Variants in TNS2 observed in about 807,000 individuals in gnomAD.
TNS2 encodes tensin 2, also known as tensin-2.
TNS2 carries 77 observed loss-of-function variants against 155.7 expected under a neutral mutation model. The observed-to-expected ratio is 0.49, with a 90% CI of 0.41 to 0.60. The LOEUF (loss-of-function observed/expected upper bound fraction) is 0.60, where lower values mean the gene tolerates loss of function less well. Among genes scored for constraint, TNS2 ranks in the 20% least tolerant of loss-of-function variants. The probability of loss-of-function intolerance (pLI) is 0.00; values close to 1 mark genes in which losing one functional copy is unlikely to be tolerated. For missense variants in TNS2, 1,703 were observed against 1,868.8 expected, an observed-to-expected ratio of 0.91 and a Z score of 1.64; for synonymous variants, 726 against 763.9, an observed-to-expected ratio of 0.95 and a Z score of 0.82.
In TNS2 at chr12:53,060,745, C is replaced by T. The variant is rs150310260; in HGVS notation, c.2839C>T (p.Pro947Ser). 1.9e-6 allele frequency: 3 copies of T among 1,610,370 alleles called. No homozygotes were observed. The highest frequency in any genetic ancestry group is 1.7e-5 in the Admixed American group (1 of 59,726). ...GAGACTGAGTCCTGGCGAGGCCTTG[C>T]CCCCTGTTTCCCAGGCAGGCACCGG... ...TQRLSPGEAL[P>S]PVSQAGTGKA... Residue 947 changes from proline (P) to serine (S), a missense_variant, in exon 20 of 29, where the codon CCC becomes TCC. Pro to Ser is a moderately conservative substitution (Grantham distance 74, BLOSUM62 -1). Transcript: ENST00000314250. The surrounding 1 kb of genome is among the most constrained non-coding windows in gnomAD (Gnocchi z 6.1).
rs1011649397 is a variant in TNS2 at position 53,063,482 on chromosome 12, C to T, written c.4061+65C>T. 5.6e-6 allele frequency: 9 copies of T among 1,611,294 alleles called. No individual in the cohort carries two copies. The highest frequency in any genetic ancestry group is 1.1e-5 in the South Asian group (1 of 91,004). ...GTCCCACCAGGTCCCAGCTCCCAGC[C>T]CCAGCCCCAGCCCCGGCCCCGGCCC... On this transcript the variant is annotated intron_variant, in intron 27 of 28. Coordinates refer to ENST00000314250, the MANE Select transcript of TNS2 (RefSeq NM_170754.4). This position sits in a 1 kb window ranked among gnomAD's most constrained non-coding sequence, Gnocchi z 5.6.
rs1592252119 is a variant in TNS2 at position 53,058,758 on chromosome 12, A to C, written c.1336A>C (p.Thr446Pro). 1 of 1,613,856 alleles carries C rather than the reference A, an allele frequency of 6.2e-7. No homozygotes were observed. ...NDPSVSVDYN[T>P]TEPAVRWDSY... ...CCCCTCGGTCTCTGTCGACTACAAC[A>C]CCACTGAGCCAGCCGTGCGCTGGGA... Residue 446 changes from threonine (T) to proline (P), a missense_variant, in exon 17 of 29, where the codon ACC becomes CCC. Physicochemically the swap from Thr to Pro is conservative, Grantham distance 38. Transcript: ENST00000314250.
chr12:53,057,208 C>T, intron 11 of TNS2, 112 bp downstream of exon 11: 5 of 1,204,588 alleles, frequency 4.2e-6, no homozygotes, highest in Non-Finnish European at 5.9e-6. Flanking sequence ...AAGCGCCGTG[C>T]CAGGTGCTGA....
chr12:53,061,609 T>C (rs1185273133), intron 21 of TNS2, 140 bp downstream of exon 21: 11 of 1,314,648 alleles, frequency 8.4e-6, no homozygotes, highest in African/African-American at 1.5e-5. Flanking sequence ...TACCAGCAGG[T>C]GATTCTGGGC....
chr12:53,049,960 G>C (rs572708612), upstream of TNS2: 4 of 1,168,270 alleles, frequency 3.4e-6, no homozygotes, highest in Non-Finnish European at 3.5e-6. Flanking sequence ...TGATCTCCTG[G>C]CCTCCCCCAC....
chr12:53,050,391 T>C lies in TNS2; in HGVS notation c.75+131T>C. 8.9e-7 allele frequency: 1 copy of C among 1,120,314 alleles called. No individual in the cohort carries two copies. The highest frequency in any genetic ancestry group is 1.3e-6 in the Non-Finnish European group (1 of 798,986). 69.4% of individuals were successfully genotyped at this position (1,120,314 alleles called of 1,614,324 possible). On this transcript the variant is annotated intron_variant, in intron 1 of 28. Coordinates refer to ENST00000314250, the MANE Select transcript of TNS2 (RefSeq NM_170754.4). This position sits in a 1 kb window ranked among gnomAD's most constrained non-coding sequence, Gnocchi z 4.7. ...CTCAGCCTTCTTCCCTGGCCCAGCA[T>C]CCCCTCCGGAGTGGCCAGGGCTGTA...
At chr12:53,058,524 G>C (rs1944245709) in intron 15 of TNS2, 48 bp from the exon 16 acceptor site, 2 of 1,613,466 alleles carry the variant, frequency 1.2e-6, no homozygotes, top group Admixed American at 1.7e-5. Context: ...AGGCAGGAGA[G>C]TGTGGTATGG....
chr12:53,061,740 G>C, intron 21 of TNS2, 75 bp from the exon 22 acceptor site: 1 of 1,554,380 alleles, frequency 6.4e-7, no homozygotes. Context: ...TGGCAGCAGA[G>C]GAGGGGGGCT....
At chr12:53,047,431 A>C, upstream of TNS2, among the ~76,000 whole-genome samples, 1 of 143,550 alleles carries the variant, frequency 7.0e-6, no homozygotes, top group Non-Finnish European at 1.5e-5. Flanking sequence ...CCGCGCGGGC[A>C]GTGCCAGGGG....
rs773485990 is a variant in TNS2, at chr12:53,058,033, T to C, written c.1026T>C (p.Ile342=). ...TTCTCCTCTCTCCCCACAGTCACAT[T>C]GCAGGCCCTGGTCCCCAGCAGCTTT... ...QLVYTSGVYH[I]AGPGPQQLCI... is the part of the protein sequence containing the mutation. Residue 342 remains isoleucine, a synonymous_variant, in exon 14 of 29, where the codon ATT becomes ATC. Transcript: ENST00000314250. 1 of 1,614,144 alleles carries C rather than the reference T, an allele frequency of 6.2e-7. No individual in the cohort carries two copies. The highest frequency in any genetic ancestry group is 2.2e-5 in the East Asian group (1 of 44,888).
At position 53,059,086 on chromosome 12, in the gene TNS2, C is replaced by T. The variant is rs894355465; in HGVS notation, c.1445C>T (p.Pro482Leu). 2 of 1,546,222 alleles carry T rather than the reference C, an allele frequency of 1.3e-6. No homozygotes were observed. The highest frequency in any genetic ancestry group is 2.5e-5 in the South Asian group (2 of 79,000). ...ACCCGGGGTCCCCTGGATGGCAGTC[C>T]TTATGCCCAGGTGCAGCGGCCTCCC... ...THTRGPLDGS[P>L]YAQVQRPPRQ... The change falls in exon 18 of 29, where the codon CCT becomes CTT. Residue 482 changes from proline to leucine, a missense_variant. Coordinates refer to ENST00000314250, the MANE Select transcript of TNS2 (RefSeq NM_170754.4). The surrounding 1 kb of genome is among the most constrained non-coding windows in gnomAD (Gnocchi z 4.7).
chr12:53,063,394 C>T lies in TNS2; in HGVS notation c.4038C>T (p.Ser1346=). 6.2e-7 allele frequency: 1 copy of T among 1,614,148 alleles called. No homozygotes were observed. The highest frequency in any genetic ancestry group is 8.5e-7 in the Non-Finnish European group (1 of 1,180,010). The change falls in exon 27 of 29, where the codon TCC becomes TCT. Residue 1346 remains serine (S), a synonymous_variant. Transcript: ENST00000314250. The surrounding 1 kb of genome is among the most constrained non-coding windows in gnomAD (Gnocchi z 5.6). Reference sequence around the variant, plus strand: ...ATCCAGTGAACAGCATCACCTTCTCCAGCACTGACCCTCAAGACCGGAGGT... The same window carrying T: ...ATCCAGTGAACAGCATCACCTTCTCTAGCACTGACCCTCAAGACCGGAGGT... ...RHYPVNSITF[S]STDPQDRRWT...
chr12:53,058,802 C>T lies in TNS2; in HGVS notation c.1380C>T (p.Asn460=), dbSNP rs1242054790. ...AVRWDSYENF[N]QHHEDSVDGS... ...GCTGGGACTCCTATGAGAACTTCAA[C>T]CAGCACCACGAGGACAGTGTGGATG... The change falls in exon 17 of 29, where the codon AAC becomes AAT. Residue 460 remains asparagine, a synonymous_variant. Transcript: ENST00000314250. 1.9e-6 allele frequency: 3 copies of T among 1,613,722 alleles called. No individual in the cohort carries two copies.
At position 53,061,207 on chromosome 12, in the gene TNS2, A is replaced by G. The variant is rs771196240; in HGVS notation, c.3301A>G (p.Ile1101Val). The G allele has an allele frequency of 7.6e-6, 12 of 1,578,456 alleles. No homozygotes were observed. In the African/African-American group the frequency reaches 8.1e-5, roughly 11 times the overall value. The part of the protein sequence containing the change: ...PEQASSPARG[I>V]SHHVTFAPLL... ...GCAGGCATCATCGCCAGCCAGAGGCATCAGTCACCATGTCACCTTCGCACC... is the reference window on the plus strand; with the variant it reads ...GCAGGCATCATCGCCAGCCAGAGGCGTCAGTCACCATGTCACCTTCGCACC... The change falls in exon 20 of 29, where the codon ATC becomes GTC. Residue 1101 changes from isoleucine (I) to valine (V), a missense_variant. Transcript: ENST00000314250.
chr12:53,052,601 C>T, intron 3 of TNS2, 109 bp downstream of exon 3: 3 of 1,444,216 alleles, frequency 2.1e-6, no homozygotes, highest in Non-Finnish European at 2.9e-6. Context: ...CCACCCCTCT[C>T]ACCACTGGGG....
intron 21 of TNS2, 145 bp downstream of exon 21, chr12:53,061,614 C>A: frequency 1.5e-6 from 2 of 1,329,142 alleles, no homozygotes; most frequent in Non-Finnish European, 2.1e-6. Context: ...GCAGGTGATT[C>A]TGGGCTTTGG....
chr12:53,058,983 G>T, intron 17 of TNS2, 64 bp from the exon 18 acceptor site: 1 of 1,538,754 alleles, frequency 6.5e-7, no homozygotes, highest in East Asian at 2.3e-5. Flanking sequence ...CCCCTCTCAT[G>T]AATTTTCTCT....
chr12:53,053,234 G>A (rs1417452433), intron 3 of TNS2, 177 bp from the exon 4 acceptor site: 5 of 693,556 alleles, frequency 7.2e-6, no homozygotes, highest in Admixed American at 6.5e-5. Context: ...GGCCTGGGGG[G>A]TGGGGGACCA....
In TNS2 at chr12:53,054,022, A is replaced by C. The variant is rs1419929176; in HGVS notation, c.350+8A>C. ...GCGCAGCACTCTGCCCAGGTAAGTG[A>C]GGGTGCTGGGGTGGTCCCACGTGAC... On this transcript the variant is annotated splice_region_variant and intron_variant, in intron 6 of 28. Coordinates refer to ENST00000314250, the MANE Select transcript of TNS2 (RefSeq NM_170754.4). 1 of 1,614,080 alleles carries C rather than the reference A, an allele frequency of 6.2e-7. No homozygotes were observed. Among genetic ancestry groups the C allele is most frequent in the East Asian group, 2.2e-5 (1 of 44,874 alleles).
Sources: gnomAD v4.1 joint callset for allele counts (sites outside exome capture counted in the v4.1 genomes callset) on GRCh38, gnomAD v4.1.1 for gene constraint, Gnocchi (gnomAD v3.1) non-coding constraint, MANE v1.5 for transcripts, NCBI Gene and HGNC (gene_info 2026-07-23, HGNC 2026-07-21) for gene names.